The following ATP11C variants were observed in gnomAD, a reference collection of about 807,000 sequenced individuals.
ATP11C encodes the protein phospholipid-transporting ATPase IG.
ATP11C carries 36 observed loss-of-function variants against 97.4 expected under a neutral mutation model. The observed-to-expected ratio is 0.37, with a 90% CI of 0.28 to 0.49. The LOEUF (loss-of-function observed/expected upper bound fraction) is 0.49, where lower values mean the gene tolerates loss of function less well. Ranked by LOEUF, ATP11C falls within the 20% of genes least tolerant of loss-of-function variation. The pLI, the probability that ATP11C is intolerant of heterozygous loss-of-function variation, is 0.98. For missense variants in ATP11C, 730 were observed against 824.6 expected (o/e 0.89, Z 1.40); for synonymous variants, 275 against 290.9 (o/e 0.95, Z 0.56).
At chrX:139,742,134 T>C (rs1278205107) in intron 26 of ATP11C, among the ~76,000 whole-genome samples, 2 of 111,631 alleles carry the variant, frequency 1.8e-5, no homozygotes, top group African/African-American at 3.3e-5. Context: ...CCTGTGGCTA[T>C]ATGCAAGGCC....
At chrX:139,786,633 T>C (rs1175742311) in intron 15 of ATP11C, among the ~76,000 whole-genome samples, 1 of 112,631 alleles carries the variant, frequency 8.9e-6, no homozygotes, top group East Asian at 2.8e-4. Context: ...TCACAGAGCC[T>C]AATTAAAATC....
intron 1 of ATP11C, among the ~76,000 whole-genome samples, chrX:139,878,293 T>TA (rs2148037134): frequency 9.0e-6 from 1 of 111,529 alleles, no homozygotes; most frequent in Non-Finnish European, 1.9e-5. Context: ...CTTGAAATAA[T>TA]AAAAATGGTG....
chrX:139,731,642 A>C lies in ATP11C; in HGVS notation c.*3+9T>G, dbSNP rs751428363. 3 of 1,121,246 alleles carry C rather than the reference A, an allele frequency of 2.7e-6. No homozygotes were observed. In the South Asian group the frequency reaches 6.3e-5, roughly 24 times the overall value. The allele number at this position is 1,121,246 out of a possible 1,213,427, so 92.4% of individuals were successfully genotyped here. A position where few individuals can be genotyped will look rare whatever the true frequency, so the allele number is the denominator to read the frequency against. On this transcript the variant is annotated intron_variant, in intron 29 of 29. Transcript: ENST00000682941. ...TTTAAAGCCAGCCCATTTGTTTAAC[A>C]CTAGGTACCTGTTACAATACATTAG... is the stretch of plus-strand genomic sequence containing the variant.
intron 2 of ATP11C, among the ~76,000 whole-genome samples, chrX:139,824,515 A>G (rs1364733397): frequency 9.0e-6 from 1 of 111,460 alleles, no homozygotes; most frequent in East Asian, 2.8e-4. Context: ...GTGAAACCCC[A>G]TCTCTACTAA....
chrX:139,784,595 G>A (rs1282553982), intron 16 of ATP11C, among the ~76,000 whole-genome samples: 1 of 111,507 alleles, frequency 9.0e-6, no homozygotes, highest in African/African-American at 3.3e-5. Flanking sequence ...TGCAGAATCT[G>A]AGCAGAAGGC....
chrX:139,783,376 G>A (rs1206157953), intron 16 of ATP11C, 109 bp from the exon 17 acceptor site: 5 of 503,010 alleles, frequency 9.9e-6, no homozygotes, highest in African/African-American at 4.7e-5. Context: ...TGTATATTCT[G>A]AGCACACCTT....
chrX:139,931,595 T>A (rs1266448931), intron 1 of ATP11C, among the ~76,000 whole-genome samples: 2 of 112,253 alleles, frequency 1.8e-5, no homozygotes, highest in Admixed American at 9.3e-5. Context: ...TGGGCCACCG[T>A]GACAGGTCTA....
intron 1 of ATP11C, among the ~76,000 whole-genome samples, chrX:139,882,771 T>C (rs1463209462): frequency 9.0e-6 from 1 of 111,511 alleles, no homozygotes; most frequent in Admixed American, 9.6e-5. Flanking sequence ...TAATCCTGTG[T>C]GTCTGTTTTT....
At chrX:139,841,326 T>A (rs759969221) in intron 1 of ATP11C, among the ~76,000 whole-genome samples, 2 of 112,330 alleles carry the variant, frequency 1.8e-5, no homozygotes, top group Non-Finnish European at 3.8e-5. Context: ...ACAACAAGAC[T>A]TGTTTCAGTA....
In ATP11C at chrX:139,789,370, G is replaced by C. The variant is rs750497013; in HGVS notation, c.1325C>G (p.Ser442Cys). ...KGVTQEVDGL[S>C]QTDGTLTYFD... is the part of the protein sequence containing the mutation. ...ATATGTTAAAGTTCCATCAGTTTGA[G>C]ATAATCCATCAACCTCTTGAGTTAC... is the stretch of plus-strand genomic sequence containing the variant. The change falls in exon 13 of 30, where the codon TCT (serine) becomes TGT (cysteine). Residue 442 changes from serine to cysteine, a missense_variant. Transcript: ENST00000682941. 1 of 1,204,865 alleles carries C rather than the reference G, an allele frequency of 8.3e-7. No individual in the cohort carries two copies. Among genetic ancestry groups the C allele is most frequent in the Non-Finnish European group, 1.1e-6 (1 of 892,075 alleles).
chrX:139,906,342 G>A (rs1203273531), intron 1 of ATP11C, among the ~76,000 whole-genome samples: 2 of 108,747 alleles, frequency 1.8e-5, no homozygotes, highest in African/African-American at 3.4e-5. Context: ...GCTTGAGCCC[G>A]GGAGGTTGAG....
chrX:139,858,275 C>T (rs1315979749), intron 1 of ATP11C, among the ~76,000 whole-genome samples: 1 of 112,534 alleles, frequency 8.9e-6, no homozygotes, highest in East Asian at 2.8e-4. Flanking sequence ...CACTATTAGC[C>T]ATATTCTCCT....
At chrX:139,736,741 G>A (rs1301039435) in intron 28 of ATP11C, among the ~76,000 whole-genome samples, 1 of 111,383 alleles carries the variant, frequency 9.0e-6, no homozygotes, top group Non-Finnish European at 1.9e-5. Flanking sequence ...CATGTAGAAA[G>A]CAGGGAGTTA....
rs748162860 is a variant in ATP11C, at chrX:139,748,066, A to G, written c.2828+1959T>C. On this transcript the variant is annotated intron_variant, in intron 24 of 29. Transcript: ENST00000682941. The stretch of plus-strand genomic sequence containing the variant: ...CTCAACAGCTTTTTGCAGATTTTTC[A>G]CATTCTTAATTTATACAAGTGTTCA... Among the ~76,000 whole-genome samples, 9 of 112,176 alleles carry G rather than the reference A, an allele frequency of 8.0e-5. No homozygotes were observed. The South Asian group carries it at 3.4e-3, about 42-fold the overall frequency.
At chrX:139,790,179 G>A (rs899165883) in intron 12 of ATP11C, among the ~76,000 whole-genome samples, 2 of 110,574 alleles carry the variant, frequency 1.8e-5, no homozygotes, top group East Asian at 2.9e-4. Flanking sequence ...CTTGGCTCAA[G>A]CAATCCTCCC....
intron 27 of ATP11C, among the ~76,000 whole-genome samples, chrX:139,739,819 T>C (rs1487801704): frequency 9.0e-6 from 1 of 111,545 alleles, no homozygotes; most frequent in Non-Finnish European, 1.9e-5. Context: ...CAATTGTATA[T>C]GGTATGTTCT....
rs190283238 is a variant in ATP11C at position 139,859,777 on chromosome X, A to G, written c.28-32954T>C. On this transcript the variant is annotated intron_variant, in intron 1 of 29. Coordinates refer to ENST00000682941, the MANE Select transcript of ATP11C (RefSeq NM_001353812.2). Reference sequence around the variant, plus strand: ...AAAGCCAGAAGGGTATATAAATGCCAATTTTCAACAATATATATGGCACAA... The same window carrying G: ...AAAGCCAGAAGGGTATATAAATGCCGATTTTCAACAATATATATGGCACAA... Among the ~76,000 whole-genome samples the G allele has an allele frequency of 3.6e-3, 406 of 112,388 alleles. 1 individual carries two copies. The highest frequency in any genetic ancestry group is 0.012 in the African/African-American group (382 of 31,011).
At chrX:139,910,196 G>C (rs2085051471) in intron 1 of ATP11C, among the ~76,000 whole-genome samples, 1 of 111,454 alleles carries the variant, frequency 9.0e-6, no homozygotes, top group Admixed American at 9.6e-5. Context: ...GTGTCAAATT[G>C]AGAACCAGGC....
At chrX:139,786,203 A>C (rs2082569312) in intron 15 of ATP11C, among the ~76,000 whole-genome samples, 1 of 112,106 alleles carries the variant, frequency 8.9e-6, no homozygotes, top group African/African-American at 3.2e-5. Context: ...GAAGAGTTAA[A>C]ATAAGAGTTG....
Sources: allele counts gnomAD v4.1 joint callset (sites outside exome capture counted in the v4.1 genomes callset), GRCh38; gene constraint gnomAD v4.1.1; transcripts MANE v1.5; gene names NCBI Gene and HGNC (gene_info 2026-07-23, HGNC 2026-07-21).